Variants in PARP1 observed in about 807,000 individuals in gnomAD.
The protein encoded by PARP1 is poly(ADP-ribose) polymerase 1, also known as poly [ADP-ribose] polymerase 1.
PARP1 carries 44 observed loss-of-function variants against 118.7 expected under a neutral mutation model. The ratio of observed to expected loss-of-function variants is 0.37; its 90% CI spans 0.29 to 0.48. The LOEUF is 0.48. Ranked by LOEUF, PARP1 falls within the 20% of genes least tolerant of loss-of-function variation. The pLI, the probability that PARP1 is intolerant of heterozygous loss-of-function variation, is 0.99. For synonymous variants in PARP1, 492 were observed against 483.2 expected (o/e 1.02, Z -0.24); for missense variants, 1,100 against 1,272.4 (o/e 0.86, Z 2.06).
intron 12 of PARP1, among the ~76,000 whole-genome samples, chr1:226,378,669 G>A (rs936828674): frequency 1.3e-5 from 2 of 151,954 alleles, no homozygotes; most frequent in Non-Finnish European, 1.5e-5. Flanking sequence ...GCAACACAGC[G>A]AGGCCCGTCT....
intron 12 of PARP1, 100 bp downstream of exon 12, chr1:226,379,042 C>G (rs764780562): frequency 1.4e-5 from 20 of 1,394,422 alleles, no homozygotes; most frequent in African/African-American, 1.4e-4. Flanking sequence ...ATTCCCCAGG[C>G]ACTGGGCCTA....
intron 1 of PARP1, 57 bp downstream of exon 1, chr1:226,407,750 CGGA>C: frequency 1.3e-6 from 2 of 1,531,170 alleles, no homozygotes; most frequent in East Asian, 2.5e-5. Context: ...CCAGCCTTCC[CGGA>C]CACAGTTAAC....
chr1:226,388,465 C>T (rs1057511793), intron 5 of PARP1, among the ~76,000 whole-genome samples, 191 bp downstream of exon 5: 1 of 152,246 alleles, frequency 6.6e-6, no homozygotes, highest in Admixed American at 6.5e-5. Context: ...TGTGGATTCT[C>T]TTCCAAATAA....
chr1:226,368,994 T>G (rs1056356835), intron 15 of PARP1, among the ~76,000 whole-genome samples: 3 of 152,178 alleles, frequency 2.0e-5, no homozygotes, highest in Non-Finnish European at 4.4e-5. Context: ...ACCCAGCAGG[T>G]CCGAAGCCCC....
At chr1:226,384,216 A>G (rs1415645130) in intron 7 of PARP1, among the ~76,000 whole-genome samples, 1 of 152,224 alleles carries the variant, frequency 6.6e-6, no homozygotes, top group Admixed American at 6.5e-5. Flanking sequence ...TAGGCGCCCT[A>G]TTGCTAGGTA....
rs200801740 is a variant in PARP1, at chr1:226,367,600, C to T, written c.2286G>A (p.Val762=). ...TGTCCAGCAGGTTGTCAAGCATTTC[C>T]ACCTTGGCCTGGAGGAGCAAAAGAA... ...LNNADSVQAK[V]EMLDNLLDIE... The change falls in exon 17 of 23, where the codon GTG becomes GTA. Residue 762 remains valine, a synonymous_variant. Coordinates refer to ENST00000366794, the MANE Select transcript of PARP1 (RefSeq NM_001618.4). 5.5e-5 allele frequency: 88 copies of T among 1,614,032 alleles called. 1 individual carries two copies. The highest frequency in any genetic ancestry group is 3.1e-4 in the East Asian group (14 of 44,890).
intron 9 of PARP1, among the ~76,000 whole-genome samples, chr1:226,380,796 T>C (rs772541470): frequency 1.3e-4 from 20 of 152,194 alleles, no homozygotes; most frequent in Non-Finnish European, 2.5e-4. Flanking sequence ...GTGTTGAATT[T>C]TGAGGCAATT....
chr1:226,385,745 T>C (rs999011252), intron 6 of PARP1, 65 bp from the exon 7 acceptor site: 3 of 1,421,526 alleles, frequency 2.1e-6, no homozygotes, highest in Non-Finnish European at 3.0e-6. Context: ...CACTTACTAA[T>C]GTGGGATGGA....
rs755443483 is a variant in PARP1 at position 226,385,597 on chromosome 1, G to C, written c.918C>G (p.Ser306Arg). The change falls in exon 7 of 23, where the codon AGC (serine) becomes AGG (arginine). Residue 306 changes from serine (S) to arginine (R), a missense_variant. Transcript: ENST00000366794. ...CGTCCCCAGTGCAGTAATAGGCATCGCTCTTGAAGACCAGCTGACCCGAGC... is the reference window on the plus strand; with the variant it reads ...CGTCCCCAGTGCAGTAATAGGCATCCCTCTTGAAGACCAGCTGACCCGAGC... ...EECSGQLVFKSDAYYCTGDVT... is the reference protein window; with the variant it reads ...EECSGQLVFKRDAYYCTGDVT... 1.2e-6 allele frequency: 2 copies of C among 1,614,052 alleles called. No homozygotes were observed. The highest frequency in any genetic ancestry group is 2.7e-5 in the African/African-American group (2 of 75,032).
At chr1:226,393,465 C>G (rs1664857016) in intron 2 of PARP1, among the ~76,000 whole-genome samples, 1 of 152,146 alleles carries the variant, frequency 6.6e-6, no homozygotes, top group African/African-American at 2.4e-5. Flanking sequence ...CTGGCAACAA[C>G]CCCAAAGTCA....
intron 2 of PARP1, among the ~76,000 whole-genome samples, chr1:226,395,453 G>T (rs527875256): frequency 6.6e-6 from 1 of 152,014 alleles, no homozygotes; most frequent in South Asian, 2.1e-4. Context: ...TCCCAGCCTG[G>T]CCCATGTGGT....
intron 19 of PARP1, 144 bp downstream of exon 19, chr1:226,364,858 G>T: frequency 2.2e-6 from 2 of 916,914 alleles, no homozygotes; most frequent in Non-Finnish European, 1.7e-6. Flanking sequence ...CAGGGTTAGG[G>T]TCAGGAGGAT....
rs765394529 is a variant in PARP1 at position 226,363,926 on chromosome 1, G to A, written c.2786+17C>T. 1.9e-6 allele frequency: 3 copies of A among 1,613,312 alleles called. No homozygotes were observed. The highest frequency in any genetic ancestry group is 1.7e-5 in the Admixed American group (1 of 60,018). On this transcript the variant is annotated intron_variant, in intron 20 of 22. Transcript: ENST00000366794. The stretch of plus-strand genomic sequence containing the variant: ...TCCCCATGAAATGCCATCAGTCCCA[G>A]AGCCAGGTTTACTCACATGTTTCCA...
intron 13 of PARP1, among the ~76,000 whole-genome samples, chr1:226,374,927 T>C (rs1664458896): frequency 6.6e-6 from 1 of 152,218 alleles, no homozygotes; most frequent in Non-Finnish European, 1.5e-5. Context: ...CTAAGCTGCC[T>C]AATAGACTAT....
At chr1:226,394,918 A>G (rs1185243520) in intron 2 of PARP1, among the ~76,000 whole-genome samples, 1 of 152,242 alleles carries the variant, frequency 6.6e-6, no homozygotes, top group Non-Finnish European at 1.5e-5. Flanking sequence ...TTAAATTAAT[A>G]TGTCAAGTAC....
chr1:226,364,773 G>A (rs1205005812), intron 19 of PARP1, among the ~76,000 whole-genome samples: 1 of 152,234 alleles, frequency 6.6e-6, no homozygotes, highest in African/African-American at 2.4e-5. Context: ...CAACACACCC[G>A]ATTAGCATCT....
chr1:226,385,603 G>T lies in PARP1; in HGVS notation c.912C>A (p.Phe304Leu), dbSNP rs1237265395. The T allele has an allele frequency of 1.2e-6, 2 of 1,614,142 alleles. No homozygotes were observed. Among genetic ancestry groups the T allele is most frequent in the Admixed American group, 1.7e-5 (1 of 60,028 alleles). Residue 304 changes from phenylalanine to leucine, a missense_variant, in exon 7 of 23, where the codon TTC (phenylalanine) becomes TTA (leucine). Phe to Leu is a conservative substitution (Grantham distance 22). Transcript: ENST00000366794. ...PCEECSGQLV[F>L]KSDAYYCTGD... ...CAGTGCAGTAATAGGCATCGCTCTT[G>T]AAGACCAGCTGACCCGAGCATTCCT...
At chr1:226,367,285 C>A in intron 17 of PARP1, 195 bp downstream of exon 17, 2 of 656,852 alleles carry the variant, frequency 3.0e-6, no homozygotes, top group Non-Finnish European at 5.4e-6. Context: ...GCATTATCTA[C>A]ACGTGAAACG....
intron 9 of PARP1, 152 bp downstream of exon 9, chr1:226,380,916 A>G: frequency 1.2e-6 from 1 of 863,390 alleles, no homozygotes; most frequent in East Asian, 2.6e-5. Context: ...ACTGAGAGCA[A>G]ATACTGGTTT....
Sources: allele counts gnomAD v4.1 joint callset (sites outside exome capture counted in the v4.1 genomes callset), GRCh38; gene constraint gnomAD v4.1.1; transcripts MANE v1.5; gene names NCBI Gene and HGNC (gene_info 2026-07-23, HGNC 2026-07-21).